Variants in PTPRM observed in about 807,000 individuals in gnomAD.
The protein encoded by PTPRM is protein tyrosine phosphatase receptor type M.
Under a neutral mutation model 186.7 loss-of-function variants are expected in PTPRM, and 47 were observed. The ratio of observed to expected loss-of-function variants is 0.25; its 90% confidence interval spans 0.20 to 0.32. The LOEUF (loss-of-function observed/expected upper bound fraction) is 0.32. PTPRM is among the 10% of genes least tolerant of loss of function. The probability of loss-of-function intolerance (pLI) is 1.00; values close to 1 mark genes in which losing one functional copy is unlikely to be tolerated. For synonymous variants in PTPRM, 668 were observed against 674.9 expected (o/e 0.99, Z 0.16); for missense variants, 1,494 against 1,865.0 (o/e 0.80, Z 3.66).
intron 3 of PTPRM, among the ~76,000 whole-genome samples, chr18:7,889,029 G>A (rs987531750): frequency 2.0e-5 from 3 of 152,008 alleles, no homozygotes; most frequent in Non-Finnish European, 4.4e-5. Flanking sequence ...CCTGGGTGAC[G>A]GGATTAATCA....
chr18:7,854,961 A>C (rs2047026294), intron 2 of PTPRM, among the ~76,000 whole-genome samples: 1 of 152,124 alleles, frequency 6.6e-6, no homozygotes, highest in South Asian at 2.1e-4. Context: ...GTTAGGTAGC[A>C]TCTCCTACCC....
intron 2 of PTPRM, among the ~76,000 whole-genome samples, chr18:7,882,622 T>C (rs1354854392): frequency 6.6e-6 from 1 of 152,246 alleles, no homozygotes; most frequent in Non-Finnish European, 1.5e-5. Flanking sequence ...AAGTGAATTT[T>C]ATAATAGCTT....
chr18:8,380,838 C>G (rs1240434595), intron 29 of PTPRM, among the ~76,000 whole-genome samples: 1 of 152,158 alleles, frequency 6.6e-6, no homozygotes, highest in Non-Finnish European at 1.5e-5. Flanking sequence ...CAGCCCAGAT[C>G]CCATTCCTGG....
intron 5 of PTPRM, among the ~76,000 whole-genome samples, chr18:7,945,242 A>G (rs1050379097): frequency 2.0e-5 from 3 of 151,594 alleles, no homozygotes; most frequent in South Asian, 2.1e-4. Flanking sequence ...TCATGAGGTC[A>G]GGAGATTGAG....
At chr18:7,923,874 G>A (rs1474340271) in intron 4 of PTPRM, among the ~76,000 whole-genome samples, 2 of 152,066 alleles carry the variant, frequency 1.3e-5, no homozygotes, top group Admixed American at 1.3e-4. Flanking sequence ...ACCAACTCTG[G>A]GGATCTGAAT....
intron 14 of PTPRM, among the ~76,000 whole-genome samples, chr18:8,228,229 G>T (rs1365836553): frequency 1.3e-5 from 2 of 152,054 alleles, no homozygotes; most frequent in Admixed American, 6.5e-5. Flanking sequence ...CTGAAGACAC[G>T]GTGGAACTGA....
Position 8,111,853 on chromosome 18 carries a change from C to A in PTPRM, c.1857-1633C>A, listed in dbSNP as rs369297062. On this transcript the variant is annotated intron_variant, in intron 11 of 32. Coordinates refer to ENST00000580170, the MANE Select transcript of PTPRM (RefSeq NM_001105244.2). ...AGCAGAATTAGAATTAGAGCTCAGA[C>A]CAGTGCATTGTCTTTACCCCTCCAA... is the stretch of plus-strand genomic sequence containing the variant. Among the ~76,000 whole-genome samples the A allele has an allele frequency of 3.9e-5, 6 of 152,266 alleles. No homozygotes were observed. The East Asian group carries it at 5.8e-4, about 15-fold the overall frequency.
intron 2 of PTPRM, among the ~76,000 whole-genome samples, chr18:7,805,763 C>T (rs1176053502): frequency 1.3e-5 from 2 of 152,100 alleles, no homozygotes; most frequent in East Asian, 3.9e-4. Flanking sequence ...AGTAAATTTA[C>T]TATGAAGATG....
rs1193642665 is a variant in PTPRM, at chr18:8,246,140, T to C, written c.2453-1705T>C. ...GGTAGATATCATAATACTGTCTTGA[T>C]GTCTTTGAAATAAGACAGCAGTTTC... On this transcript the variant is annotated intron_variant, in intron 15 of 32. Transcript: ENST00000580170. Among the ~76,000 whole-genome samples the C allele has an allele frequency of 2.6e-5, 4 of 152,312 alleles. No homozygotes were observed. The East Asian group carries it at 7.7e-4, about 29-fold the overall frequency.
intron 1 of PTPRM, among the ~76,000 whole-genome samples, chr18:7,664,093 T>C (rs889153616): frequency 6.6e-6 from 1 of 152,220 alleles, no homozygotes; most frequent in Non-Finnish European, 1.5e-5. Context: ...TCACCTGTCA[T>C]ACATGTCAGG....
At chr18:7,910,071 C>T (rs2050184894) in intron 4 of PTPRM, among the ~76,000 whole-genome samples, 1 of 152,040 alleles carries the variant, frequency 6.6e-6, no homozygotes, top group Admixed American at 6.5e-5. Context: ...CTCTTATTAC[C>T]TTCTGGTGCT....
intron 11 of PTPRM, among the ~76,000 whole-genome samples, chr18:8,107,023 A>T (rs1275001292): frequency 6.6e-6 from 1 of 152,230 alleles, no homozygotes; most frequent in African/African-American, 2.4e-5. Flanking sequence ...ACATACAGGA[A>T]CAAAGCTATT....
Position 7,578,525 on chromosome 18 carries a change from T to C in PTPRM, c.73+10634T>C, listed in dbSNP as rs183163112. 7.3e-3 allele frequency among the ~76,000 whole-genome samples: 1,108 copies of C among 151,868 alleles called. 9 individuals carry two copies. Among genetic ancestry groups the C allele is most frequent in the African/African-American group, 0.02 (831 of 41,416 alleles). On this transcript the variant is annotated intron_variant, in intron 1 of 32. Transcript: ENST00000580170. ...TAATTTTTTGTATTTTTAGTAGAGA[T>C]GGGGTTTCACTGTGTTAGCCAGGAT...
At chr18:8,001,454 G>T (rs377707828) in intron 7 of PTPRM, among the ~76,000 whole-genome samples, 1 of 152,028 alleles carries the variant, frequency 6.6e-6, no homozygotes, top group South Asian at 2.1e-4. Flanking sequence ...TATCTGGCTC[G>T]AAAGGTGGAG....
chr18:8,096,124 A>C (rs1237858118), intron 11 of PTPRM, among the ~76,000 whole-genome samples: 1 of 152,094 alleles, frequency 6.6e-6, no homozygotes, highest in Non-Finnish European at 1.5e-5. Flanking sequence ...TACTCAGTGG[A>C]TGTGGGTGGC....
intron 1 of PTPRM, among the ~76,000 whole-genome samples, chr18:7,746,592 A>G (rs1356708152): frequency 6.6e-6 from 1 of 152,010 alleles, no homozygotes; most frequent in Non-Finnish European, 1.5e-5. Context: ...CAGCCTCCCA[A>G]GTAGCTGGGA....
At chr18:8,252,555 C>G in intron 18 of PTPRM, 56 bp downstream of exon 18, 2 of 1,502,598 alleles carry the variant, frequency 1.3e-6, no homozygotes, top group Non-Finnish European at 1.9e-6. Flanking sequence ...GAGTGTGTGT[C>G]TTACTGGTAG....
chr18:8,354,526 G>A (rs1270694792), intron 23 of PTPRM, among the ~76,000 whole-genome samples: 1 of 152,216 alleles, frequency 6.6e-6, no homozygotes, highest in Non-Finnish European at 1.5e-5. Flanking sequence ...GAGAAAGAAT[G>A]TACTGAGTCA....
At chr18:8,104,482 T>C (rs919740911) in intron 11 of PTPRM, among the ~76,000 whole-genome samples, 1 of 152,204 alleles carries the variant, frequency 6.6e-6, no homozygotes, top group Non-Finnish European at 1.5e-5. Flanking sequence ...TCTTGCTCCA[T>C]TGTCCAGGCT....
Sources: gnomAD v4.1 joint callset for allele counts (sites outside exome capture counted in the v4.1 genomes callset) on GRCh38, gnomAD v4.1.1 for gene constraint, MANE v1.5 for transcripts, NCBI Gene and HGNC (gene_info 2026-07-23, HGNC 2026-07-21) for gene names.